The following COL22A1 variants were observed in gnomAD, a reference collection of about 807,000 sequenced individuals.
The protein encoded by COL22A1 is collagen alpha-1(XXII) chain.
In COL22A1, 221 loss-of-function variants were observed where a neutral mutation model predicts 248.9. That is an observed-to-expected ratio of 0.89 (90% CI 0.80 to 0.99). The LOEUF is 0.99. COL22A1 is among the 50% of genes least tolerant of loss of function. The pLI is 0.00. For synonymous variants in COL22A1, 891 were observed against 793.4 expected, an observed-to-expected ratio of 1.12 and a Z score of -2.07; for missense variants, 2,240 against 2,179.0, an observed-to-expected ratio of 1.03 and a Z score of -0.56.
chr8:138,786,285 G>A (rs557356548), intron 12 of COL22A1, among the ~76,000 whole-genome samples: 149 of 152,146 alleles, frequency 9.8e-4, no homozygotes, highest in Admixed American at 1.5e-3. Context: ...CTGTAGAAGT[G>A]AATATGTTCT....
chr8:138,700,117 TC>T lies in COL22A1; in HGVS notation c.2586del (p.Met863CysfsTer139), dbSNP rs749783112. 1 of 1,613,492 alleles carries T rather than the reference TC, an allele frequency of 6.2e-7. No individual in the cohort carries two copies. Among genetic ancestry groups the T allele is most frequent in the East Asian group, 2.2e-5 (1 of 44,862 alleles). The stretch of plus-strand genomic sequence containing the variant: ...GAGGCACCGCTACTACTTACGGGCA[TC>T]CGTGGATGTGGTGTGAACAGGGATG... Reference protein sequence around the residue: ...GTTSLFTPHPRMPGEQGPKGE... With the variant: ...GTTSLFTPHPXMPGEQGPKGE... On this transcript the variant is annotated frameshift_variant, in exon 32 of 65. Coordinates refer to ENST00000303045, the MANE Select transcript of COL22A1 (RefSeq NM_152888.3). LOFTEE classifies it high-confidence loss of function.
rs1586611585 is a variant in COL22A1 at position 138,737,568 on chromosome 8, C to G, written c.2095G>C (p.Gly699Arg). The G allele has an allele frequency of 1.9e-6, 3 of 1,610,138 alleles. No individual in the cohort carries two copies. The highest frequency in any genetic ancestry group is 2.5e-6 in the Non-Finnish European group (3 of 1,176,608). ...PGLQGLRGKK[G>R]DMGPPGIPGL... ...GGGATTCCAGGTGGTCCCATGTCAC[C>G]TTTCTTCCCCTGAGTGTAAAAGAAG... Residue 699 changes from glycine (G) to arginine (R), a missense_variant, in exon 23 of 65, where the codon GGT becomes CGT. Transcript: ENST00000303045.
chr8:138,680,826 T>C (rs1050124320), intron 39 of COL22A1, among the ~76,000 whole-genome samples: 17 of 152,230 alleles, frequency 1.1e-4, no homozygotes, highest in African/African-American at 3.9e-4. Flanking sequence ...GACTTACACA[T>C]TTACACAATA....
intron 53 of COL22A1, 40 bp downstream of exon 53, chr8:138,619,415 G>T (rs771129004): frequency 6.3e-7 from 1 of 1,597,814 alleles, no homozygotes; most frequent in African/African-American, 1.3e-5. Flanking sequence ...GTAGCTGATG[G>T]GCTTGGTTCT....
Position 138,700,132 on chromosome 8 carries a change from T to C in COL22A1, c.2572A>G (p.Thr858Ala). ...PGLPGTTSLF[T>A]PHPRMPGEQG... Reference sequence around the variant, plus strand: ...CTTACGGGCATCCGTGGATGTGGTGTGAACAGGGATGTCTGAAAAGGAAAC... The same window carrying C: ...CTTACGGGCATCCGTGGATGTGGTGCGAACAGGGATGTCTGAAAAGGAAAC... Residue 858 changes from threonine (T) to alanine (A), a missense_variant, in exon 32 of 65, where the codon ACA becomes GCA. Coordinates refer to ENST00000303045, the MANE Select transcript of COL22A1 (RefSeq NM_152888.3). 1 of 1,613,600 alleles carries C rather than the reference T, an allele frequency of 6.2e-7. No homozygotes were observed. The highest frequency in any genetic ancestry group is 8.5e-7 in the Non-Finnish European group (1 of 1,179,914).
chr8:138,780,619 T>C (rs747625254), intron 13 of COL22A1, among the ~76,000 whole-genome samples: 8 of 152,178 alleles, frequency 5.3e-5, no homozygotes, highest in Non-Finnish European at 1.2e-4. Flanking sequence ...GCAAATCCAT[T>C]GCCTCGCTGG....
intron 60 of COL22A1, 51 bp downstream of exon 60, chr8:138,602,064 T>C (rs1412043951): frequency 1.2e-6 from 2 of 1,603,784 alleles, no homozygotes; most frequent in African/African-American, 1.3e-5. Context: ...CTGTGGCCAC[T>C]GTGCAAAGGT....
intron 1 of COL22A1, among the ~76,000 whole-genome samples, chr8:138,910,651 A>T (rs1030702159): frequency 6.6e-6 from 1 of 152,070 alleles, no homozygotes; most frequent in African/African-American, 2.4e-5. Flanking sequence ...GAAAAAAAAA[A>T]TCCTCAGGGA....
intron 27 of COL22A1, among the ~76,000 whole-genome samples, chr8:138,718,145 G>T (rs187460806): frequency 2.6e-4 from 39 of 152,032 alleles, no homozygotes; most frequent in Admixed American, 7.2e-4. Flanking sequence ...GTAATTAAAA[G>T]TGTGGCTTAG....
At chr8:138,740,352 A>G (rs1230379682) in intron 22 of COL22A1, among the ~76,000 whole-genome samples, 1 of 152,216 alleles carries the variant, frequency 6.6e-6, no homozygotes, top group Non-Finnish European at 1.5e-5. Context: ...GGTCTGGGCC[A>G]TGACTGAGCA....
intron 56 of COL22A1, among the ~76,000 whole-genome samples, chr8:138,612,807 G>A (rs895836001): frequency 1.9e-4 from 29 of 151,966 alleles, no homozygotes; most frequent in South Asian, 6.3e-4. Flanking sequence ...GTGGTGGCAC[G>A]CACCTGTAAT....
At chr8:138,822,603 G>A (rs574284330) in intron 6 of COL22A1, among the ~76,000 whole-genome samples, 4 of 152,218 alleles carry the variant, frequency 2.6e-5, no homozygotes, top group South Asian at 2.1e-4. Context: ...TAATATTCAC[G>A]TGTTGCCCTT....
intron 5 of COL22A1, among the ~76,000 whole-genome samples, chr8:138,830,007 T>A (rs942678151): frequency 1.3e-5 from 2 of 152,256 alleles, no homozygotes; most frequent in African/African-American, 4.8e-5. Context: ...TACCTATATA[T>A]ACATACATAT....
At chr8:138,896,960 G>C (rs901278713) in intron 1 of COL22A1, among the ~76,000 whole-genome samples, 10 of 133,324 alleles carry the variant, frequency 7.5e-5, no homozygotes, top group African/African-American at 2.6e-4. Context: ...GTGACAGAGA[G>C]AGACTCTTTC....
At chr8:138,750,353 G>A (rs987193786) in intron 22 of COL22A1, among the ~76,000 whole-genome samples, 2 of 152,166 alleles carry the variant, frequency 1.3e-5, no homozygotes, top group Non-Finnish European at 2.9e-5. Flanking sequence ...ATTCAAAAGG[G>A]TTATAGGAGG....
intron 34 of COL22A1, 61 bp downstream of exon 34, chr8:138,694,445 CGA>C: frequency 1.4e-5 from 21 of 1,518,978 alleles, no homozygotes; most frequent in Non-Finnish European, 1.7e-5. Flanking sequence ...TGGCCTGGAG[CGA>C]GAGAGTGTGG....
intron 46 of COL22A1, among the ~76,000 whole-genome samples, chr8:138,648,487 C>G (rs1822400124): frequency 6.6e-6 from 1 of 152,174 alleles, no homozygotes. Flanking sequence ...TCACCTAAGA[C>G]TTTTTCTTAA....
At chr8:138,832,800 T>A (rs73366869) in intron 5 of COL22A1, among the ~76,000 whole-genome samples, 2 of 152,182 alleles carry the variant, frequency 1.3e-5, no homozygotes, top group Non-Finnish European at 2.9e-5. Flanking sequence ...CAAATGTGTA[T>A]GGAGAGATAG....
intron 41 of COL22A1, among the ~76,000 whole-genome samples, chr8:138,669,066 AAGG>A (rs1264177435): frequency 6.6e-6 from 1 of 152,132 alleles, no homozygotes; most frequent in Non-Finnish European, 1.5e-5. Flanking sequence ...CTGGAGTCTG[AAGG>A]AGAAGGGCCT....
Sources: allele counts gnomAD v4.1 joint callset (sites outside exome capture counted in the v4.1 genomes callset), GRCh38; gene constraint gnomAD v4.1.1; transcripts MANE v1.5; gene names NCBI Gene and HGNC (gene_info 2026-07-23, HGNC 2026-07-21).